The following CADPS variants were observed in gnomAD, a reference collection of about 807,000 sequenced individuals.
CADPS encodes the protein calcium-dependent secretion activator 1.
Under a neutral mutation model 167.3 loss-of-function variants are expected in CADPS, and 57 were observed. The observed-to-expected ratio is 0.34, with a 90% CI of 0.28 to 0.42. CADPS has a LOEUF of 0.42. Among genes scored for constraint, CADPS ranks in the 20% least tolerant of loss-of-function variants. The pLI is 1.00. For missense variants in CADPS, 1,414 were observed against 1,738.1 expected (o/e 0.81, Z 3.32); for synonymous variants, 676 against 635.3 (o/e 1.06, Z -0.96).
At chr3:62,782,485 C>T (rs1037000763) in intron 1 of CADPS, among the ~76,000 whole-genome samples, 2 of 152,176 alleles carry the variant, frequency 1.3e-5, no homozygotes, top group South Asian at 2.1e-4. Flanking sequence ...CATGAGTTCA[C>T]GCCCAACACT....
At chr3:62,400,597 T>TTTC (rs1553688281) in intron 29 of CADPS, among the ~76,000 whole-genome samples, 55 of 133,842 alleles carry the variant, frequency 4.1e-4, no homozygotes, top group African/African-American at 9.7e-4. Flanking sequence ...TTCTTTTTTT[T>TTTC]TTTCTTTTTT....
intron 8 of CADPS, among the ~76,000 whole-genome samples, chr3:62,576,669 TAG>T (rs1245026947): frequency 1.3e-5 from 2 of 150,894 alleles, no homozygotes; most frequent in Non-Finnish European, 2.9e-5. Flanking sequence ...TATGCATCTG[TAG>T]TCCCAGCTAC....
At chr3:62,799,656 G>A (rs534858649) in intron 1 of CADPS, among the ~76,000 whole-genome samples, 3 of 152,186 alleles carry the variant, frequency 2.0e-5, no homozygotes, top group Admixed American at 2.0e-4. Context: ...TAACCTCTCT[G>A]AGCCTCAGCT....
intron 1 of CADPS, among the ~76,000 whole-genome samples, chr3:62,800,040 A>G (rs569982230): frequency 2.6e-5 from 4 of 152,300 alleles, no homozygotes; most frequent in African/African-American, 9.6e-5. Flanking sequence ...TCCTAAGCTC[A>G]GGGTTCCTTA....
In CADPS at chr3:62,822,449, A is replaced by G. The variant is rs568292892; in HGVS notation, c.441+52140T>C. 5.8e-4 allele frequency among the ~76,000 whole-genome samples: 89 copies of G among 152,340 alleles called. 1 individual carries two copies. Among genetic ancestry groups the G allele is most frequent in the Admixed American group, 5.6e-3 (86 of 15,298 alleles). Reference sequence around the variant, plus strand: ...GGCAGAGTAGGCACCTGAATAAATGAATCAATGGATGGATGGATGAATAGA... The same window carrying G: ...GGCAGAGTAGGCACCTGAATAAATGGATCAATGGATGGATGGATGAATAGA... On this transcript the variant is annotated intron_variant, in intron 1 of 29. Coordinates refer to ENST00000383710, the MANE Select transcript of CADPS (RefSeq NM_003716.4).
rs148430862 is a variant in CADPS, at chr3:62,478,350, G to T, written c.3240C>A (p.Asp1080Glu). The change falls in exon 23 of 30, where the codon GAC becomes GAA. Residue 1080 changes from aspartate (D) to glutamate (E), a missense_variant. Physicochemically the swap from Asp to Glu is conservative, Grantham distance 45 (BLOSUM62 2). Around this residue, in one of 6 missense-constraint regions of CADPS, gnomAD observed 529 missense variants for 629.6 expected, o/e 0.84. Transcript: ENST00000383710. The surrounding 1 kb of genome is among the most constrained non-coding windows in gnomAD (Gnocchi z 5.7). The stretch of plus-strand genomic sequence containing the variant: ...CAAACTCTTCTTCAGGCCAGTGCAG[G>T]TCCCGAATGAAGGTCTGAAGGGCGT... ...KLDALQTFIR[D>E]LHWPEEEFGK... 6.2e-7 allele frequency: 1 copy of T among 1,613,826 alleles called. No individual in the cohort carries two copies. The highest frequency in any genetic ancestry group is 1.7e-5 in the Admixed American group (1 of 60,006).
chr3:62,712,241 G>C (rs1427877261), intron 3 of CADPS, among the ~76,000 whole-genome samples: 1 of 151,982 alleles, frequency 6.6e-6, no homozygotes, highest in Non-Finnish European at 1.5e-5. Flanking sequence ...TGGGTCAAAT[G>C]GTATTTTTTA....
At chr3:62,434,472 G>T (rs995283786) in intron 28 of CADPS, among the ~76,000 whole-genome samples, 17 of 152,180 alleles carry the variant, frequency 1.1e-4, no homozygotes, top group East Asian at 7.7e-4. Context: ...AATGGCAAAA[G>T]CAACCCAGTT....
chr3:62,638,806 C>T (rs1032327971), intron 6 of CADPS, among the ~76,000 whole-genome samples: 1 of 152,092 alleles, frequency 6.6e-6, no homozygotes, highest in African/African-American at 2.4e-5. Flanking sequence ...CTTCTCTGGA[C>T]CAGTTAGTTG....
chr3:62,854,196 C>A (rs938120865), intron 1 of CADPS, among the ~76,000 whole-genome samples: 1 of 152,110 alleles, frequency 6.6e-6, no homozygotes, highest in Non-Finnish European at 1.5e-5. Flanking sequence ...TTAACACTTG[C>A]TAAGTTATAT....
chr3:62,452,075 A>G (rs1481353787), intron 26 of CADPS, among the ~76,000 whole-genome samples: 1 of 151,922 alleles, frequency 6.6e-6, no homozygotes, highest in Non-Finnish European at 1.5e-5. Context: ...AGAGAATGGC[A>G]CTCTTTACTC....
chr3:62,796,522 C>T (rs1426558885), intron 1 of CADPS: 2 of 152,000 alleles, frequency 1.3e-5, no homozygotes, highest in Non-Finnish European at 2.9e-5. Flanking sequence ...TGATGAAATC[C>T]GTGAAGGAGT....
intron 17 of CADPS, among the ~76,000 whole-genome samples, chr3:62,508,184 G>T (rs1281365493): frequency 6.6e-6 from 1 of 152,194 alleles, no homozygotes; most frequent in Non-Finnish European, 1.5e-5. Flanking sequence ...TGTGGATAGG[G>T]CCGTTATATC....
chr3:62,486,444 CAAAAAAAAAAA>C (rs1219097343), intron 21 of CADPS, among the ~76,000 whole-genome samples: 1 of 63,936 alleles, frequency 1.6e-5, no homozygotes, highest in Non-Finnish European at 3.5e-5. Context: ...GACTCCGTCT[CAAAAAAAAAAA>C]AAAAAAAAAA....
intron 3 of CADPS, among the ~76,000 whole-genome samples, chr3:62,672,333 C>T (rs2075673887): frequency 6.6e-6 from 1 of 152,184 alleles, no homozygotes; most frequent in African/African-American, 2.4e-5. Context: ...ACGAATTTAA[C>T]TCAGGCTTTG....
chr3:62,579,116 C>A (rs949559363), intron 8 of CADPS, among the ~76,000 whole-genome samples: 6 of 152,172 alleles, frequency 3.9e-5, no homozygotes, highest in Admixed American at 3.3e-4. Context: ...GCAAATTACT[C>A]CCGGTTGGTG....
At chr3:62,567,410 G>T (rs1047645659) in intron 9 of CADPS, among the ~76,000 whole-genome samples, 2 of 151,866 alleles carry the variant, frequency 1.3e-5, no homozygotes, top group Non-Finnish European at 2.9e-5. Context: ...AAGAGGGAAA[G>T]ACACAAAAAA....
chr3:62,580,179 A>T (rs1195125368), intron 8 of CADPS, among the ~76,000 whole-genome samples: 1 of 152,178 alleles, frequency 6.6e-6, no homozygotes, highest in Non-Finnish European at 1.5e-5. Flanking sequence ...AAGACTTGGA[A>T]CCAACCCAAA....
chr3:62,645,970 G>C, intron 5 of CADPS, 127 bp from the exon 6 acceptor site: 1 of 1,025,504 alleles, frequency 9.8e-7, no homozygotes, highest in South Asian at 1.6e-5. Flanking sequence ...TGTTAGGTTT[G>C]TACCAGTCAT....
Sources: gnomAD v4.1 joint callset for allele counts (sites outside exome capture counted in the v4.1 genomes callset) on GRCh38, gnomAD v4.1.1 for gene constraint, gnomAD v4.1.1 regional missense constraint, Gnocchi (gnomAD v3.1) non-coding constraint, MANE v1.5 for transcripts, NCBI Gene and HGNC (gene_info 2026-07-23, HGNC 2026-07-21) for gene names.